Variants in DNAH10 observed in about 807,000 individuals in gnomAD.
The protein encoded by DNAH10 is axonemal beta dynein heavy chain 10.
In DNAH10, 348 loss-of-function variants were observed where a neutral mutation model predicts 506.6. That is an observed-to-expected ratio of 0.69 (90% CI 0.63 to 0.75). The LOEUF (loss-of-function observed/expected upper bound fraction) is 0.75, where lower values mean the gene tolerates loss of function less well. Ranked by LOEUF, DNAH10 falls within the 30% of genes least tolerant of loss-of-function variation. DNAH10 has a pLI of 0.00. For synonymous variants in DNAH10, 2,059 were observed against 2,198.6 expected, an observed-to-expected ratio of 0.94 and a Z score of 1.78; for missense variants, 5,179 against 5,787.1, an observed-to-expected ratio of 0.89 and a Z score of 3.41.
chr12:123,898,296 G>A (rs865877254), intron 55 of DNAH10, among the ~76,000 whole-genome samples: 5 of 152,116 alleles, frequency 3.3e-5, no homozygotes, highest in Admixed American at 1.3e-4. Flanking sequence ...CTGCAGCCTC[G>A]ACCTCCTGGG....
intron 42 of DNAH10, 36 bp from the exon 43 acceptor site, chr12:123,867,867 T>C: frequency 3.8e-6 from 6 of 1,589,308 alleles, no homozygotes; most frequent in Non-Finnish European, 5.2e-6. Flanking sequence ...GGGGGTGGAC[T>C]ATGTGGGCTG....
chr12:123,871,331 G>A, intron 44 of DNAH10, 126 bp from the exon 45 acceptor site: 2 of 1,101,008 alleles, frequency 1.8e-6, no homozygotes, highest in Non-Finnish European at 2.6e-6. Context: ...TGTTTCTGAG[G>A]TCATGTCTTG....
chr12:123,927,341 G>A (rs1782859492), intron 69 of DNAH10: 1 of 168,006 alleles, frequency 6.0e-6, no homozygotes, highest in African/African-American at 2.4e-5. Flanking sequence ...ACAGGCATGA[G>A]ACACGATGCT....
chr12:123,931,807 T>C lies in DNAH10; in HGVS notation c.13088T>C (p.Leu4363Pro), dbSNP rs1488968651. ...CAGGAACTGGAACGCTTCAACAAGC[T>C]TGTGGTCCGGATGACGAAGTCTCTG... ...LLQELERFNK[L>P]VVRMTKSLAE... The change falls in exon 75 of 79, where the codon CTT (leucine) becomes CCT (proline). Residue 4363 changes from leucine to proline, a missense_variant. Transcript: ENST00000673944. The C allele has an allele frequency of 6.2e-7, 1 of 1,614,052 alleles. No homozygotes were observed. Among genetic ancestry groups the C allele is most frequent in the Non-Finnish European group, 8.5e-7 (1 of 1,179,892 alleles).
At chr12:123,877,977 AG>A (rs1952334412) in intron 48 of DNAH10, 69 bp downstream of exon 48, 1 of 1,508,592 alleles carries the variant, frequency 6.6e-7, no homozygotes. Context: ...TTTAAGACAG[AG>A]GGCTTATCAG....
chr12:123,814,684 G>A (rs546697722), intron 21 of DNAH10, among the ~76,000 whole-genome samples: 1 of 143,744 alleles, frequency 7.0e-6, no homozygotes, highest in Admixed American at 7.3e-5. Context: ...GCATGATCTC[G>A]GCTCACTGCA....
At chr12:123,768,571 TG>T (rs1957135836) in intron 2 of DNAH10, among the ~76,000 whole-genome samples, 1 of 152,262 alleles carries the variant, frequency 6.6e-6, no homozygotes, top group East Asian at 1.9e-4. Context: ...ACATGCATTG[TG>T]GGGGACACTC....
rs912161518 is a variant in DNAH10 at position 123,917,533 on chromosome 12, G to T, written c.11003-51G>T. 6 of 1,524,732 alleles carry T rather than the reference G, an allele frequency of 3.9e-6. No individual in the cohort carries two copies. In the South Asian group the frequency reaches 7.2e-5, roughly 18 times the overall value. 94.5% of individuals were successfully genotyped at this position (1,524,732 alleles called of 1,614,324 possible). Reference sequence around the variant, plus strand: ...CCCGTCACAGCAGGGCAGCGGGAGAGACTGTTGTTGGGGGCCGCAGGTGGT... The same window carrying T: ...CCCGTCACAGCAGGGCAGCGGGAGATACTGTTGTTGGGGGCCGCAGGTGGT... On this transcript the variant is annotated intron_variant, in intron 63 of 78. Coordinates refer to ENST00000673944, the MANE Select transcript of DNAH10 (RefSeq NM_001372106.1). The surrounding 1 kb of genome is among the most constrained non-coding windows in gnomAD (Gnocchi z 5.6).
At chr12:123,805,462 G>A (rs1320488219) in intron 18 of DNAH10, among the ~76,000 whole-genome samples, 3 of 152,162 alleles carry the variant, frequency 2.0e-5, no homozygotes, top group Non-Finnish European at 4.4e-5. Context: ...TCATGTGCCA[G>A]CCTCTGACAC....
chr12:123,865,512 A>C (rs2136916590), intron 40 of DNAH10, among the ~76,000 whole-genome samples: 1 of 152,148 alleles, frequency 6.6e-6, no homozygotes, highest in African/African-American at 2.4e-5. Context: ...TTGTAGAGAG[A>C]GCTAGGTTTG....
At chr12:123,816,782 C>T (rs1231733673) in intron 21 of DNAH10, among the ~76,000 whole-genome samples, 1 of 152,200 alleles carries the variant, frequency 6.6e-6, no homozygotes, top group Non-Finnish European at 1.5e-5. Flanking sequence ...GGACTTACGC[C>T]TGCATTTCTA....
At chr12:123,905,274 A>C (rs77742416) in intron 57 of DNAH10, among the ~76,000 whole-genome samples, 8,779 of 152,298 alleles carry the variant, frequency 0.058, 330 homozygotes, top group Non-Finnish European at 0.085. Context: ...TGAGTTTGTT[A>C]AATAAATTGA....
chr12:123,875,788 A>G (rs1952231402), intron 47 of DNAH10, among the ~76,000 whole-genome samples: 1 of 152,174 alleles, frequency 6.6e-6, no homozygotes, highest in Admixed American at 6.5e-5. Flanking sequence ...ACATTGAGTG[A>G]CAGCGAAGAA....
At chr12:123,867,344 C>A in intron 41 of DNAH10, 123 bp from the exon 42 acceptor site, 1 of 1,098,640 alleles carries the variant, frequency 9.1e-7, no homozygotes, top group Non-Finnish European at 1.3e-6. Flanking sequence ...ATTTCCTCAC[C>A]TGCCAAATGT....
In DNAH10 at chr12:123,916,069, G is replaced by A. The variant is rs1954464503; in HGVS notation, c.10723-388G>A. Among the ~76,000 whole-genome samples the A allele has an allele frequency of 6.6e-6, 1 of 152,184 alleles. No homozygotes were observed. The highest frequency in any genetic ancestry group is 6.5e-5 in the Admixed American group (1 of 15,290). ...AGTCTGCCTCCAAAATGCACATGGA[G>A]CTATCAGGGAGCAAATACTATGAGG... On this transcript the variant is annotated intron_variant, in intron 62 of 78. Coordinates refer to ENST00000673944, the MANE Select transcript of DNAH10 (RefSeq NM_001372106.1). This position sits in a 1 kb window ranked among gnomAD's most constrained non-coding sequence, Gnocchi z 4.6.
chr12:123,859,624 C>T (rs12318020), intron 38 of DNAH10, among the ~76,000 whole-genome samples: 1 of 152,176 alleles, frequency 6.6e-6, no homozygotes, highest in Non-Finnish European at 1.5e-5. Context: ...TGCAGTACTG[C>T]TGTGGTTTCG....
intron 44 of DNAH10, 114 bp from the exon 45 acceptor site, chr12:123,871,342 GC>G: frequency 8.2e-7 from 1 of 1,226,564 alleles, no homozygotes; most frequent in Non-Finnish European, 1.1e-6. Flanking sequence ...TCATGTCTTG[GC>G]CTTTGCTCCT....
chr12:123,851,307 C>T (rs1031479376), intron 35 of DNAH10, among the ~76,000 whole-genome samples: 1 of 149,008 alleles, frequency 6.7e-6, no homozygotes, highest in African/African-American at 2.5e-5. Flanking sequence ...AGACTGGGGA[C>T]CTAGGATGTG....
At chr12:123,918,970 A>G in intron 65 of DNAH10, 21 bp downstream of exon 65, 1 of 1,580,258 alleles carries the variant, frequency 6.3e-7, no homozygotes, top group South Asian at 1.2e-5. Context: ...CCCACAGAGG[A>G]GGACATGTTA....
Sources: gnomAD v4.1 joint callset for allele counts (sites outside exome capture counted in the v4.1 genomes callset) on GRCh38, gnomAD v4.1.1 for gene constraint, Gnocchi (gnomAD v3.1) non-coding constraint, MANE v1.5 for transcripts, NCBI Gene and HGNC (gene_info 2026-07-23, HGNC 2026-07-21) for gene names.